Variants in DMD observed in about 807,000 individuals in gnomAD.
DMD encodes dystrophin, also known as mutant dystrophin.
A neutral mutation model predicts 330.1 loss-of-function variants in DMD; 63 were observed. The ratio of observed to expected loss-of-function variants is 0.19; its 90% CI spans 0.16 to 0.24. The LOEUF is 0.24. DMD is among the 10% of genes least tolerant of loss of function. The pLI, the probability that DMD is intolerant of heterozygous loss-of-function variation, is 1.00. For missense variants in DMD, 3,344 were observed against 2,684.1 expected (o/e 1.25, Z -5.43); for synonymous variants, 1,223 against 959.8 (o/e 1.27, Z -5.07).
At chrX:31,743,817 A>G (rs918370715) in intron 51 of DMD, among the ~76,000 whole-genome samples, 12 of 110,883 alleles carry the variant, frequency 1.1e-4, no homozygotes, top group African/African-American at 3.9e-4. Context: ...AAACCTACAC[A>G]TGTACTCCCT....
chrX:33,188,402 C>A (rs1281027030), intron 1 of DMD, among the ~76,000 whole-genome samples: 2 of 110,756 alleles, frequency 1.8e-5, no homozygotes, highest in African/African-American at 6.6e-5. Flanking sequence ...AGTTCTTTTG[C>A]CCTCTGGTAC....
At chrX:33,316,612 G>T (rs895113955) in intron 1 of DMD, among the ~76,000 whole-genome samples, 8 of 111,293 alleles carry the variant, frequency 7.2e-5, no homozygotes, top group African/African-American at 2.6e-4. Context: ...TTACACCTTT[G>T]CAAAGAATCA....
chrX:33,082,668 A>G (rs1223081703), intron 1 of DMD, among the ~76,000 whole-genome samples: 1 of 112,399 alleles, frequency 8.9e-6, no homozygotes, highest in Non-Finnish European at 1.9e-5. Flanking sequence ...TCTTAGGAGT[A>G]ACTATGACAT....
rs760595740 is a variant in DMD, at chrX:33,211,435, A to G, written c.-123T>C. ...AAACTTCAGCAGCTTTAAAAAAAGTAACACTTCAGTTTTTCCTATTCGTTT... is the reference window on the plus strand; with the variant it reads ...AAACTTCAGCAGCTTTAAAAAAAGTGACACTTCAGTTTTTCCTATTCGTTT... On this transcript the variant is annotated 5_prime_UTR_variant, in exon 1 of 79. Coordinates refer to ENST00000357033, the MANE Select transcript of DMD (RefSeq NM_004006.3). 3.7e-5 allele frequency: 43 copies of G among 1,151,380 alleles called. No individual in the cohort carries two copies. The South Asian group carries it at 6.9e-4, about 18-fold the overall frequency. 94.9% of individuals were successfully genotyped at this position (1,151,380 alleles called of 1,213,427 possible). A position where few individuals can be genotyped will look rare whatever the true frequency, so the allele number is the denominator to read the frequency against.
At chrX:32,640,775 T>C (rs769864744) in intron 11 of DMD, among the ~76,000 whole-genome samples, 44 of 111,557 alleles carry the variant, frequency 3.9e-4, no homozygotes, top group Non-Finnish European at 7.0e-4. Flanking sequence ...TGTCCTCTCT[T>C]CCTCCAGTGG....
At chrX:32,484,175 T>G (rs1295434158) in intron 21 of DMD, among the ~76,000 whole-genome samples, 1 of 111,591 alleles carries the variant, frequency 9.0e-6, no homozygotes, top group Non-Finnish European at 1.9e-5. Flanking sequence ...ATGTATATAG[T>G]GAATCAAAAC....
chrX:31,268,047 G>GT (rs1467498330), intron 62 of DMD, among the ~76,000 whole-genome samples: 5 of 111,484 alleles, frequency 4.5e-5, no homozygotes, highest in Non-Finnish European at 9.4e-5. Flanking sequence ...TTTAAATGTG[G>GT]TCCCCTTTTT....
chrX:31,605,665 T>C (rs2077575789), intron 55 of DMD, among the ~76,000 whole-genome samples: 1 of 111,529 alleles, frequency 9.0e-6, no homozygotes, highest in African/African-American at 3.3e-5. Context: ...ATGAATTGAA[T>C]GTATCAATTG....
intron 1 of DMD, among the ~76,000 whole-genome samples, chrX:33,208,710 A>G (rs773623209): frequency 9.0e-6 from 1 of 111,153 alleles, no homozygotes; most frequent in Non-Finnish European, 1.9e-5. Flanking sequence ...ATAAATATAT[A>G]TACTCATACC....
intron 9 of DMD, among the ~76,000 whole-genome samples, chrX:32,650,574 C>T (rs892198404): frequency 4.5e-5 from 5 of 111,833 alleles, no homozygotes; most frequent in Admixed American, 3.8e-4. Context: ...TGTGTTTTCT[C>T]ACAGATATAA....
chrX:31,476,273 CAG>C (rs1321059090), intron 59 of DMD, among the ~76,000 whole-genome samples: 4 of 105,811 alleles, frequency 3.8e-5, no homozygotes, highest in African/African-American at 1.4e-4. Flanking sequence ...GGGATCCAGA[CAG>C]AGAGAACAGC....
At chrX:32,966,862 A>G (rs1406480673) in intron 2 of DMD, among the ~76,000 whole-genome samples, 1 of 112,293 alleles carries the variant, frequency 8.9e-6, no homozygotes, top group African/African-American at 3.2e-5. Context: ...TGCAGGGACA[A>G]TGATGCAAAT....
intron 1 of DMD, among the ~76,000 whole-genome samples, chrX:33,240,406 G>GGAT (rs1367615821): frequency 9.0e-6 from 1 of 111,610 alleles, no homozygotes; most frequent in African/African-American, 3.3e-5. Context: ...TTCTCTTCAT[G>GGAT]GATGAACAGT....
Position 32,775,027 on chromosome X carries a change from G to C in DMD, c.649+34466C>G, listed in dbSNP as rs929216373. 4.5e-5 allele frequency among the ~76,000 whole-genome samples: 5 copies of C among 112,181 alleles called. No individual in the cohort carries two copies. In the Admixed American group the frequency reaches 4.7e-4, roughly 11 times the overall value. ...GTTTCCATTCTAAATGGGGGAAACT[G>C]GTCAAAGCAAAGTAGACACAGGTCC... On this transcript the variant is annotated intron_variant, in intron 7 of 78. Coordinates refer to ENST00000357033, the MANE Select transcript of DMD (RefSeq NM_004006.3).
intron 1 of DMD, among the ~76,000 whole-genome samples, chrX:33,095,017 C>A (rs1329087911): frequency 9.0e-6 from 1 of 111,676 alleles, no homozygotes; most frequent in African/African-American, 3.2e-5. Context: ...CAATAAACTA[C>A]ATTTTTAATA....
intron 2 of DMD, among the ~76,000 whole-genome samples, chrX:32,882,246 G>A (rs2084023743): frequency 9.0e-6 from 1 of 111,566 alleles, no homozygotes; most frequent in African/African-American, 3.3e-5. Flanking sequence ...CCTTCCTCAA[G>A]GGTTCTAAGT....
chrX:32,292,474 A>C (rs1398448552), intron 42 of DMD, among the ~76,000 whole-genome samples: 1 of 107,126 alleles, frequency 9.3e-6, no homozygotes, highest in African/African-American at 3.4e-5. Flanking sequence ...CGCCTGGCTA[A>C]TTTTTTGTAT....
At chrX:32,316,568 T>C (rs1373198802) in intron 41 of DMD, among the ~76,000 whole-genome samples, 1 of 111,321 alleles carries the variant, frequency 9.0e-6, no homozygotes, top group Non-Finnish European at 1.9e-5. Flanking sequence ...AAACTAAGGG[T>C]TGATCCTGTG....
chrX:31,833,819 C>T (rs1410034808), intron 49 of DMD, among the ~76,000 whole-genome samples: 1 of 111,136 alleles, frequency 9.0e-6, no homozygotes, highest in African/African-American at 3.3e-5. Context: ...CCTGATGTGT[C>T]TTTAATTAGA....
Sources: gnomAD v4.1 joint callset for allele counts (sites outside exome capture counted in the v4.1 genomes callset) on GRCh38, gnomAD v4.1.1 for gene constraint, MANE v1.5 for transcripts, NCBI Gene and HGNC (gene_info 2026-07-23, HGNC 2026-07-21) for gene names.